SHISA9: variants seen among roughly 807,000 people sequenced by gnomAD.
SHISA9 encodes the protein shisa family member 9.
In SHISA9, 13 loss-of-function variants were observed where a neutral mutation model predicts 38.0. The ratio of observed to expected loss-of-function variants is 0.34; its 90% CI spans 0.22 to 0.54. The LOEUF is 0.54. Among genes scored for constraint, SHISA9 ranks in the 20% least tolerant of loss-of-function variants. The pLI, the probability that SHISA9 is intolerant of heterozygous loss-of-function variation, is 0.91. For missense variants in SHISA9, 538 were observed against 575.8 expected, an observed-to-expected ratio of 0.93 and a Z score of 0.67; for synonymous variants, 275 against 242.0, an observed-to-expected ratio of 1.14 and a Z score of -1.27.
At chr16:12,915,485 G>C (rs1378485305) in intron 1 of SHISA9, among the ~76,000 whole-genome samples, 3 of 152,172 alleles carry the variant, frequency 2.0e-5, no homozygotes, top group Admixed American at 2.0e-4. Flanking sequence ...GTTTATCGGG[G>C]CTGGGGAGTT....
chr16:13,270,828 C>A, the SHISA9 span, among the ~76,000 whole-genome samples: 4 of 152,036 alleles, frequency 2.6e-5, no homozygotes, highest in Non-Finnish European at 5.9e-5. Flanking sequence ...GGGTAGAGCA[C>A]CTTGGAGTCA....
chr16:13,444,344 C>G, the SHISA9 span, among the ~76,000 whole-genome samples: 1 of 143,846 alleles, frequency 7.0e-6, no homozygotes, highest in South Asian at 2.4e-4. Flanking sequence ...GAACTCCAGT[C>G]TCAGTGACAG....
the SHISA9 span, among the ~76,000 whole-genome samples, chr16:13,374,745 T>C: frequency 6.6e-6 from 1 of 152,236 alleles, no homozygotes; most frequent in African/African-American, 2.4e-5. Flanking sequence ...CGCCACACTG[T>C]CTTCCACAAT....
rs73522635 is a variant in SHISA9, at chr16:13,178,411, G to A, written c.692-24983G>A. ...GTTCCCAGTTCTACTATCTCCTGAC[G>A]ATGCTTCTGCCTCCCATCTTGGGCC... On this transcript the variant is annotated intron_variant, in intron 2 of 4. Coordinates refer to ENST00000558583, the MANE Select transcript of SHISA9 (RefSeq NM_001145204.3). Among the ~76,000 whole-genome samples the A allele has an allele frequency of 9.2e-3, 1,394 of 151,494 alleles. 17 individuals are homozygous for A. The highest frequency in any genetic ancestry group is 0.033 in the African/African-American group (1,345 of 41,222).
At chr16:13,365,797 GC>G in the SHISA9 span, among the ~76,000 whole-genome samples, 1 of 152,086 alleles carries the variant, frequency 6.6e-6, no homozygotes, top group Non-Finnish European at 1.5e-5. Context: ...CTTATGGATT[GC>G]AAACATATTC....
At chr16:12,919,729 G>A (rs959427120) in intron 2 of SHISA9, among the ~76,000 whole-genome samples, 2 of 152,118 alleles carry the variant, frequency 1.3e-5, no homozygotes, top group African/African-American at 4.8e-5. Context: ...GTGATATATT[G>A]GACTTGCCTT....
intron 2 of SHISA9, among the ~76,000 whole-genome samples, chr16:13,114,465 C>CAAA (rs58742818): frequency 2.3e-3 from 115 of 50,014 alleles, no homozygotes; most frequent in Non-Finnish European, 3.4e-3. Flanking sequence ...GATTCCATCT[C>CAAA]AAAAAAAAAA....
At chr16:13,432,104 T>G in the SHISA9 span, among the ~76,000 whole-genome samples, 1 of 152,184 alleles carries the variant, frequency 6.6e-6, no homozygotes, top group Non-Finnish European at 1.5e-5. Context: ...AAATAACCTC[T>G]CTTCATGTCA....
At chr16:13,415,313 C>A in the SHISA9 span, among the ~76,000 whole-genome samples, 1 of 152,138 alleles carries the variant, frequency 6.6e-6, no homozygotes, top group Non-Finnish European at 1.5e-5. Context: ...AGGCCATGAT[C>A]CTTAGCAAAC....
chr16:12,920,024 T>A (rs1380747311), intron 2 of SHISA9, among the ~76,000 whole-genome samples: 1 of 152,188 alleles, frequency 6.6e-6, no homozygotes. Flanking sequence ...TCTCCCCCTT[T>A]CGGGGTTCAG....
chr16:12,920,530 T>A lies in SHISA9; in HGVS notation c.691+3715T>A, dbSNP rs377370731. 3.9e-5 allele frequency among the ~76,000 whole-genome samples: 6 copies of A among 152,328 alleles called. No individual in the cohort carries two copies. The East Asian group carries it at 1.2e-3, about 29-fold the overall frequency. The stretch of plus-strand genomic sequence containing the variant: ...GATTGTTTGTAACTGAAAGGATAGA[T>A]GCTTGAGGGGATGGATGCCCCATTC... On this transcript the variant is annotated intron_variant, in intron 2 of 4. Coordinates refer to ENST00000558583, the MANE Select transcript of SHISA9 (RefSeq NM_001145204.3).
chr16:13,538,353 A>G, the SHISA9 span, among the ~76,000 whole-genome samples: 4 of 152,244 alleles, frequency 2.6e-5, no homozygotes, highest in African/African-American at 7.2e-5. Context: ...AACACAAGAC[A>G]TACAGAATAC....
At position 13,215,565 on chromosome 16, in the gene SHISA9, A is replaced by G. The variant is rs140339397; in HGVS notation, c.895+2265A>G. On this transcript the variant is annotated intron_variant, in intron 4 of 4. Coordinates refer to ENST00000558583, the MANE Select transcript of SHISA9 (RefSeq NM_001145204.3). ...ACAAAGCCGTTATGATCTCTGTGAC[A>G]GCATTTGGAGGCAGCCTGCATTTCT... Among the ~76,000 whole-genome samples, 240 of 152,228 alleles carry G rather than the reference A, an allele frequency of 1.6e-3. 2 individuals are homozygous for G. Among genetic ancestry groups the G allele is most frequent in the African/African-American group, 5.5e-3 (227 of 41,536 alleles).
At chr16:13,147,097 A>C (rs116463827) in intron 2 of SHISA9, among the ~76,000 whole-genome samples, 1 of 152,254 alleles carries the variant, frequency 6.6e-6, no homozygotes, top group African/African-American at 2.4e-5. Context: ...TATTGAGCAC[A>C]AAAGACAGCA....
the SHISA9 span, among the ~76,000 whole-genome samples, chr16:13,527,804 A>G: frequency 3.3e-5 from 5 of 152,196 alleles, no homozygotes; most frequent in African/African-American, 1.2e-4. Context: ...TGGCAACCAA[A>G]GGAACTTACA....
At chr16:13,017,575 T>C (rs1368459155) in intron 2 of SHISA9, among the ~76,000 whole-genome samples, 2 of 150,250 alleles carry the variant, frequency 1.3e-5, no homozygotes, top group Non-Finnish European at 3.0e-5. Flanking sequence ...ACAACAATAA[T>C]TCGTTGACTG....
chr16:13,051,791 A>G (rs1004503087), intron 2 of SHISA9, among the ~76,000 whole-genome samples: 2 of 149,726 alleles, frequency 1.3e-5, no homozygotes, highest in Admixed American at 1.3e-4. Context: ...TTTGAGATTG[A>G]GTCTTGCTCT....
the SHISA9 span, among the ~76,000 whole-genome samples, chr16:13,533,780 AATTT>A: frequency 7.0e-5 from 8 of 114,306 alleles, no homozygotes; most frequent in African/African-American, 2.7e-4. Context: ...CATAACTCTC[AATTT>A]TTTTTTTTTT....
the SHISA9 span, among the ~76,000 whole-genome samples, chr16:13,409,082 A>T: frequency 6.6e-6 from 1 of 152,170 alleles, no homozygotes; most frequent in South Asian, 2.1e-4. Flanking sequence ...CAAGCAGACA[A>T]GTGGTAGAAT....
Sources: gnomAD v4.1 joint callset for allele counts (sites outside exome capture counted in the v4.1 genomes callset) on GRCh38, gnomAD v4.1.1 for gene constraint, MANE v1.5 for transcripts, NCBI Gene and HGNC (gene_info 2026-07-23, HGNC 2026-07-21) for gene names.